The following CNTNAP2 variants were observed in gnomAD, a reference collection of about 807,000 sequenced individuals.
CNTNAP2 encodes contactin associated protein 2.
In CNTNAP2, 98 loss-of-function variants were observed where a neutral mutation model predicts 155.2. The ratio of observed to expected loss-of-function variants is 0.63; its 90% confidence interval spans 0.54 to 0.75. The LOEUF is 0.75. Among genes scored for constraint, CNTNAP2 ranks in the 30% least tolerant of loss-of-function variants. The pLI, the probability that CNTNAP2 is intolerant of heterozygous loss-of-function variation, is 0.00. For missense variants in CNTNAP2, 1,727 were observed against 1,688.1 expected, an observed-to-expected ratio of 1.02 and a Z score of -0.40; for synonymous variants, 651 against 631.2, an observed-to-expected ratio of 1.03 and a Z score of -0.47.
chr7:147,400,867 G>A (rs1167806671), intron 10 of CNTNAP2, among the ~76,000 whole-genome samples: 5 of 152,144 alleles, frequency 3.3e-5, no homozygotes, highest in African/African-American at 1.2e-4. Flanking sequence ...ACTTATCTAA[G>A]TAATTATGAA....
At chr7:147,446,865 G>C (rs1048961519) in intron 10 of CNTNAP2, among the ~76,000 whole-genome samples, 1 of 152,130 alleles carries the variant, frequency 6.6e-6, no homozygotes, top group Non-Finnish European at 1.5e-5. Context: ...AAGAATTTTA[G>C]GGTGTCTGAT....
intron 1 of CNTNAP2, among the ~76,000 whole-genome samples, chr7:146,210,899 T>G (rs779320402): frequency 2.0e-5 from 3 of 151,908 alleles, no homozygotes; most frequent in Non-Finnish European, 4.4e-5. Context: ...TTCCACACAC[T>G]TTTGTTTTAA....
chr7:148,133,423 C>T (rs1804874897), intron 16 of CNTNAP2, among the ~76,000 whole-genome samples: 1 of 152,118 alleles, frequency 6.6e-6, no homozygotes, highest in African/African-American at 2.4e-5. Flanking sequence ...GATCGCGCCA[C>T]TGCACTCCAG....
chr7:147,944,249 C>T (rs13230414), intron 14 of CNTNAP2, among the ~76,000 whole-genome samples: 34,606 of 152,040 alleles, frequency 0.23, 5,181 homozygotes, highest in East Asian at 0.56. Flanking sequence ...AAAAGTATTA[C>T]GTGTTTTTCT....
intron 1 of CNTNAP2, among the ~76,000 whole-genome samples, chr7:146,723,965 T>C (rs66698087): frequency 0.074 from 11,293 of 152,210 alleles, 568 homozygotes; most frequent in African/African-American, 0.14. Context: ...TTTTGTTTTG[T>C]AGTAATATGT....
chr7:147,368,076 TC>T (rs1434276342), intron 9 of CNTNAP2, among the ~76,000 whole-genome samples: 1 of 60,734 alleles, frequency 1.6e-5, no homozygotes, highest in Non-Finnish European at 3.1e-5. Context: ...TTTCTCTCCC[TC>T]CTTTCCTCTC....
chr7:147,145,632 C>A (rs1167805036), intron 8 of CNTNAP2, among the ~76,000 whole-genome samples: 1 of 152,184 alleles, frequency 6.6e-6, no homozygotes, highest in Middle Eastern at 3.2e-3. Flanking sequence ...TTTAGACAAG[C>A]TGATTCCTGT....
At chr7:147,682,818 C>G (rs1028921137) in intron 13 of CNTNAP2, among the ~76,000 whole-genome samples, 1 of 151,932 alleles carries the variant, frequency 6.6e-6, no homozygotes, top group Non-Finnish European at 1.5e-5. Flanking sequence ...CAGCAAGCAA[C>G]AGATAAAAGA....
intron 5 of CNTNAP2, among the ~76,000 whole-genome samples, chr7:147,111,795 A>G (rs1196333255): frequency 2.0e-5 from 3 of 152,266 alleles, no homozygotes; most frequent in African/African-American, 4.8e-5. Flanking sequence ...GAAGTTGGGT[A>G]GTGTGATGCC....
intron 4 of CNTNAP2, among the ~76,000 whole-genome samples, chr7:147,092,751 A>G (rs913241178): frequency 7.9e-5 from 12 of 152,182 alleles, no homozygotes; most frequent in Non-Finnish European, 1.5e-4. Flanking sequence ...CAGATTCTAC[A>G]TACCTCTGTA....
chr7:146,489,060 C>T (rs985331563), intron 1 of CNTNAP2, among the ~76,000 whole-genome samples: 10 of 152,196 alleles, frequency 6.6e-5, no homozygotes, highest in Non-Finnish European at 1.0e-4. Flanking sequence ...TATTTGAAAT[C>T]GCTAAAGTTA....
chr7:148,096,285 G>GCA (rs1803969225), intron 15 of CNTNAP2, among the ~76,000 whole-genome samples: 1 of 124,388 alleles, frequency 8.0e-6, no homozygotes, highest in African/African-American at 3.8e-5. Flanking sequence ...ATGCATGTGT[G>GCA]TGTGTGTGTG....
intron 8 of CNTNAP2, among the ~76,000 whole-genome samples, chr7:147,289,397 C>T (rs1180708126): frequency 6.9e-6 from 1 of 145,072 alleles, no homozygotes; most frequent in African/African-American, 2.6e-5. Flanking sequence ...AACAGAGAAT[C>T]AAATACTAAA....
chr7:146,310,243 T>A (rs949124736), intron 1 of CNTNAP2, among the ~76,000 whole-genome samples: 3 of 152,228 alleles, frequency 2.0e-5, no homozygotes, highest in African/African-American at 7.2e-5. Flanking sequence ...GAATAGAATT[T>A]TCATGCTGAC....
intron 1 of CNTNAP2, among the ~76,000 whole-genome samples, chr7:146,378,583 T>C (rs565940982): frequency 6.6e-6 from 1 of 152,266 alleles, no homozygotes; most frequent in South Asian, 2.1e-4. Context: ...GTATATAATT[T>C]CCTTAAGATC....
chr7:147,418,196 G>T (rs1481535177), intron 10 of CNTNAP2, among the ~76,000 whole-genome samples: 2 of 152,254 alleles, frequency 1.3e-5, no homozygotes, highest in East Asian at 3.9e-4. Context: ...TACAATAAAA[G>T]ATTCATTGAT....
intron 1 of CNTNAP2, among the ~76,000 whole-genome samples, chr7:146,416,097 G>T (rs1346958818): frequency 6.6e-6 from 1 of 151,626 alleles, no homozygotes; most frequent in African/African-American, 2.4e-5. Flanking sequence ...GCATGAAAAT[G>T]GATAATTTCA....
At chr7:147,801,407 G>A (rs956705711) in intron 13 of CNTNAP2, among the ~76,000 whole-genome samples, 11 of 151,166 alleles carry the variant, frequency 7.3e-5, no homozygotes, top group African/African-American at 2.7e-4. Flanking sequence ...AATAGTGGAG[G>A]GAAGGTCGGC....
intron 1 of CNTNAP2, among the ~76,000 whole-genome samples, chr7:146,612,415 A>G (rs1009038020): frequency 6.6e-6 from 1 of 152,174 alleles, no homozygotes; most frequent in Admixed American, 6.5e-5. Flanking sequence ...AAAAATGAAA[A>G]TTCTAAATTG....
Sources: gnomAD v4.1 joint callset for allele counts (sites outside exome capture counted in the v4.1 genomes callset) on GRCh38, gnomAD v4.1.1 for gene constraint, MANE v1.5 for transcripts, NCBI Gene and HGNC (gene_info 2026-07-23, HGNC 2026-07-21) for gene names.